The following EFR3A variants were observed in gnomAD, a reference collection of about 807,000 sequenced individuals.
The protein encoded by EFR3A is EFR3 homolog A, also known as protein EFR3 homolog A.
In EFR3A, 76 loss-of-function variants were observed where a neutral mutation model predicts 104.4. The ratio of observed to expected loss-of-function variants is 0.73; its 90% CI spans 0.60 to 0.88. The LOEUF (loss-of-function observed/expected upper bound fraction) is 0.88. EFR3A is among the 40% of genes least tolerant of loss of function. EFR3A has a pLI of 0.00. For synonymous variants in EFR3A, 330 were observed against 330.0 expected (o/e 1.00, Z 0.00); for missense variants, 985 against 1,012.5 (o/e 0.97, Z 0.37).
At chr8:131,996,623 A>T in intron 19 of EFR3A, 126 bp downstream of exon 19, 1 of 540,548 alleles carries the variant, frequency 1.8e-6, no homozygotes, top group Admixed American at 4.0e-5. Context: ...CAACTAAATT[A>T]TTAGTAGAAA....
In EFR3A at chr8:131,957,044, G is replaced by C. The variant is rs117351793; in HGVS notation, c.776+1139G>C. On this transcript the variant is annotated intron_variant, in intron 7 of 22. Coordinates refer to ENST00000254624, the MANE Select transcript of EFR3A (RefSeq NM_015137.6). ...AAGTTGTACTTGAGTTGAATAACTT[G>C]AACTCAGTTATATTCTTTTCTACAT... is the stretch of plus-strand genomic sequence containing the variant. Among the ~76,000 whole-genome samples the C allele has an allele frequency of 4.6e-5, 7 of 152,194 alleles. No homozygotes were observed. In the East Asian group the frequency reaches 1.4e-3, roughly 29 times the overall value.
chr8:131,938,304 T>G lies in EFR3A; in HGVS notation c.11-2195T>G, dbSNP rs750011205. On this transcript the variant is annotated intron_variant, in intron 1 of 22. Coordinates refer to ENST00000254624, the MANE Select transcript of EFR3A (RefSeq NM_015137.6). ...ACTTCAACAAGGGAGTCACCTACAT[T>G]TCTATACTTGAGTAGGTCCAATGAT... The G allele has an allele frequency of 7.5e-6, 3 of 397,828 alleles. No homozygotes were observed. The South Asian group carries it at 3.8e-4, about 51-fold the overall frequency. The allele number at this position is 397,828 out of a possible 1,614,324, so 24.6% of individuals were successfully genotyped here. A position where few individuals can be genotyped will look rare whatever the true frequency, so the allele number is the denominator to read the frequency against.
intron 2 of EFR3A, among the ~76,000 whole-genome samples, chr8:131,943,577 G>C (rs1818270343): frequency 6.6e-6 from 1 of 152,014 alleles, no homozygotes; most frequent in African/African-American, 2.4e-5. Context: ...ACTTTGCCTA[G>C]GGCAGGGTTT....
At chr8:131,993,964 G>C (rs1262957354) in intron 18 of EFR3A, among the ~76,000 whole-genome samples, 1 of 152,066 alleles carries the variant, frequency 6.6e-6, no homozygotes, top group African/African-American at 2.4e-5. Flanking sequence ...AGAGCATCCA[G>C]AAAACAACTA....
At chr8:131,910,619 T>C (rs958437651) in intron 1 of EFR3A, among the ~76,000 whole-genome samples, 5 of 152,346 alleles carry the variant, frequency 3.3e-5, no homozygotes, top group African/African-American at 1.2e-4. Flanking sequence ...CACTACTCCA[T>C]GCACTTTCCC....
chr8:131,994,575 T>G (rs1452389814), intron 18 of EFR3A, among the ~76,000 whole-genome samples: 1 of 151,988 alleles, frequency 6.6e-6, no homozygotes, highest in African/African-American at 2.4e-5. Flanking sequence ...GAAAATGATC[T>G]GTTTTAGAAA....
rs528953018 is a variant in EFR3A, at chr8:131,970,537, C to G, written c.1053C>G (p.Phe351Leu). ...LLKHLRLSVE[F>L]EANDLQGGSV... is the part of the protein sequence containing the mutation. Reference sequence around the variant, plus strand: ...AACATCTGCGTCTCAGCGTTGAATTCGAAGCAAATGATTTACAGGGGGGAT... The same window carrying G: ...AACATCTGCGTCTCAGCGTTGAATTGGAAGCAAATGATTTACAGGGGGGAT... The change falls in exon 10 of 23, where the codon TTC becomes TTG. Residue 351 changes from phenylalanine (F) to leucine (L), a missense_variant. Transcript: ENST00000254624. 6.2e-7 allele frequency: 1 copy of G among 1,613,840 alleles called. No individual in the cohort carries two copies. The highest frequency in any genetic ancestry group is 2.2e-5 in the East Asian group (1 of 44,854).
intron 8 of EFR3A, among the ~76,000 whole-genome samples, chr8:131,965,527 A>G (rs1054984523): frequency 5.9e-5 from 9 of 152,292 alleles, no homozygotes; most frequent in African/African-American, 1.4e-4. Context: ...TCTCACGCCA[A>G]TTAGAATGGC....
At chr8:131,968,528 T>A in intron 9 of EFR3A, 98 bp downstream of exon 9, 2 of 1,234,228 alleles carry the variant, frequency 1.6e-6, no homozygotes, top group Non-Finnish European at 2.2e-6. Flanking sequence ...TAAGAATATT[T>A]CTACACATTT....
chr8:131,962,812 G>C (rs894895819), intron 8 of EFR3A, among the ~76,000 whole-genome samples: 1 of 152,110 alleles, frequency 6.6e-6, no homozygotes, highest in Non-Finnish European at 1.5e-5. Flanking sequence ...TGACCACATA[G>C]TTGGAAGTAA....
intron 8 of EFR3A, 43 bp downstream of exon 8, chr8:131,959,706 T>C: frequency 6.7e-7 from 1 of 1,490,352 alleles, no homozygotes; most frequent in Non-Finnish European, 9.2e-7. Context: ...ATAAGTAATT[T>C]TGGTTCTCTA....
At chr8:131,969,618 A>G (rs1563675988) in intron 9 of EFR3A, among the ~76,000 whole-genome samples, 1 of 151,364 alleles carries the variant, frequency 6.6e-6, no homozygotes, top group Non-Finnish European at 1.5e-5. Flanking sequence ...GATATGGAGG[A>G]CCAACTGTAT....
rs771348906 is a variant in EFR3A at position 131,984,824 on chromosome 8, T to G, written c.1738-105T>G. The G allele has an allele frequency of 4.4e-4, 479 of 1,086,456 alleles. 2 individuals carry two copies. Among genetic ancestry groups the G allele is most frequent in the Non-Finnish European group, 6.0e-4 (470 of 784,190 alleles). 67.3% of individuals were successfully genotyped at this position (1,086,456 alleles called of 1,614,324 possible). ...AAAATAACTTCTGATAAAGTGGCAT[T>G]TTTGTTAGCTTTCCAAACTACCTGC... On this transcript the variant is annotated intron_variant, in intron 15 of 22. Coordinates refer to ENST00000254624, the MANE Select transcript of EFR3A (RefSeq NM_015137.6).
Position 131,944,888 on chromosome 8 carries a change from G to C in EFR3A, c.215+16G>C, listed in dbSNP as rs539697739. On this transcript the variant is annotated intron_variant, in intron 3 of 22. Transcript: ENST00000254624. ...ATCGTTCTGGGTAAGGAAACTAATG[G>C]CTGCTAAAATAGTATCTTTGGAAAA... 2 of 1,603,252 alleles carry C rather than the reference G, an allele frequency of 1.2e-6. No homozygotes were observed. Among genetic ancestry groups the C allele is most frequent in the Admixed American group, 3.5e-5 (2 of 57,592 alleles).
At chr8:131,939,167 T>C (rs919800372) in intron 1 of EFR3A, among the ~76,000 whole-genome samples, 6 of 152,172 alleles carry the variant, frequency 3.9e-5, no homozygotes, top group Non-Finnish European at 8.8e-5. Context: ...ATAAGAGCTT[T>C]ATATACAATT....
intron 2 of EFR3A, among the ~76,000 whole-genome samples, chr8:131,943,332 C>T (rs1350489242): frequency 6.6e-6 from 1 of 151,934 alleles, no homozygotes; most frequent in Non-Finnish European, 1.5e-5. Context: ...TAAGTCAATG[C>T]AGTTATTTAT....
At chr8:132,001,655 A>G in intron 19 of EFR3A, 104 bp from the exon 20 acceptor site, 2 of 952,806 alleles carry the variant, frequency 2.1e-6, no homozygotes, top group South Asian at 1.4e-5. Context: ...AACACAAAGA[A>G]GAAAACAAAT....
chr8:131,992,885 T>C (rs979155707), intron 18 of EFR3A, among the ~76,000 whole-genome samples: 1 of 152,096 alleles, frequency 6.6e-6, no homozygotes, highest in South Asian at 2.1e-4. Context: ...GGGCATGGCT[T>C]GGGAAGTTAT....
chr8:131,946,534 T>C lies in EFR3A; in HGVS notation c.267T>C (p.His89=). ...TGGACCAACTTCTCATGGCTTGCCA[T>C]TCTCAAAGCATTAAGCCATTTGTAG... The part of the protein sequence containing the change: ...EALDQLLMAC[H]SQSIKPFVES... The change falls in exon 4 of 23, where the codon CAT becomes CAC. Residue 89 remains histidine (H), a synonymous_variant. Transcript: ENST00000254624. 6.2e-7 allele frequency: 1 copy of C among 1,608,238 alleles called. No individual in the cohort carries two copies. The highest frequency in any genetic ancestry group is 8.5e-7 in the Non-Finnish European group (1 of 1,177,256).
Sources: gnomAD v4.1 joint callset for allele counts (sites outside exome capture counted in the v4.1 genomes callset) on GRCh38, gnomAD v4.1.1 for gene constraint, MANE v1.5 for transcripts, NCBI Gene and HGNC (gene_info 2026-07-23, HGNC 2026-07-21) for gene names.